DNAH9: variants seen among roughly 807,000 people sequenced by gnomAD.
DNAH9 encodes the protein dynein axonemal heavy chain 9.
In DNAH9, 345 loss-of-function variants were observed where a neutral mutation model predicts 471.6. The ratio of observed to expected loss-of-function variants is 0.73; its 90% CI spans 0.67 to 0.80. The LOEUF is 0.80. DNAH9 is among the 30% of genes least tolerant of loss of function. DNAH9 has a pLI of 0.00. For missense variants in DNAH9, 5,407 were observed against 5,609.2 expected, an observed-to-expected ratio of 0.96 and a Z score of 1.15; for synonymous variants, 2,093 against 2,123.6, an observed-to-expected ratio of 0.99 and a Z score of 0.40.
chr17:11,778,392 G>A (rs1003321148), intron 38 of DNAH9, among the ~76,000 whole-genome samples: 1 of 150,732 alleles, frequency 6.6e-6, no homozygotes, highest in African/African-American at 2.4e-5. Context: ...GAGAAACGGG[G>A]TGCCTGGAGC....
At chr17:11,859,649 T>C (rs950225376) in intron 50 of DNAH9, among the ~76,000 whole-genome samples, 1 of 152,164 alleles carries the variant, frequency 6.6e-6, no homozygotes, top group Non-Finnish European at 1.5e-5. Context: ...TTCTGGCTTC[T>C]GGCGAGGCCT....
chr17:11,961,795 GTC>G (rs1976207465), intron 67 of DNAH9, 70 bp from the exon 68 acceptor site: 1 of 1,514,720 alleles, frequency 6.6e-7, no homozygotes, highest in Non-Finnish European at 8.9e-7. Flanking sequence ...TGAGCCAGGG[GTC>G]TCTGAGGCCA....
At chr17:11,698,289 A>AT (rs1461813670) in intron 22 of DNAH9, among the ~76,000 whole-genome samples, 2 of 137,028 alleles carry the variant, frequency 1.5e-5, no homozygotes, top group African/African-American at 5.4e-5. Flanking sequence ...ATATATTAAT[A>AT]ATTATATATT....
intron 1 of DNAH9, among the ~76,000 whole-genome samples, chr17:11,606,608 C>G (rs539219942): frequency 3.4e-4 from 51 of 149,682 alleles, no homozygotes; most frequent in African/African-American, 1.2e-3. Context: ...TGCCACCACA[C>G]TCGGCTAATT....
chr17:11,734,058 C>G (rs2075309148), intron 28 of DNAH9, among the ~76,000 whole-genome samples: 1 of 152,064 alleles, frequency 6.6e-6, no homozygotes, highest in Non-Finnish European at 1.5e-5. Context: ...AGTTCACTGA[C>G]TTTCAGGTAG....
chr17:11,730,669 T>C (rs1032295961), intron 28 of DNAH9, among the ~76,000 whole-genome samples: 2 of 152,222 alleles, frequency 1.3e-5, no homozygotes, highest in African/African-American at 2.4e-5. Flanking sequence ...AAATGAGTTA[T>C]ATCTCTAAAG....
intron 68 of DNAH9, among the ~76,000 whole-genome samples, chr17:11,964,156 T>C (rs1273117271): frequency 2.0e-5 from 3 of 152,202 alleles, no homozygotes; most frequent in Non-Finnish European, 4.4e-5. Context: ...AGTAGGGTAA[T>C]GTTTAGAAAG....
chr17:11,818,425 A>ATTTT (rs112312158), intron 45 of DNAH9, among the ~76,000 whole-genome samples: 3,838 of 148,536 alleles, frequency 0.026, 173 homozygotes, highest in African/African-American at 0.095. Context: ...AAGACTCCGT[A>ATTTT]TTTAAAAAAA....
At chr17:11,627,168 CAT>C (rs59056271) in intron 6 of DNAH9, among the ~76,000 whole-genome samples, 3,344 of 152,236 alleles carry the variant, frequency 0.022, 85 homozygotes, top group South Asian at 0.093. Flanking sequence ...TGTTGTCCAC[CAT>C]GTGTGTGTTG....
rs757041348 is a variant in DNAH9, at chr17:11,797,812, TTCCTTTTCCTCA to T, written c.8420+20_8420+31del. 9 of 1,603,038 alleles carry T rather than the reference TTCCTTTTCCTCA, an allele frequency of 5.6e-6. No individual in the cohort carries two copies. The African/African-American group carries it at 1.1e-4, about 19-fold the overall frequency. On this transcript the variant is annotated intron_variant, in intron 43 of 68. Coordinates refer to ENST00000262442, the MANE Select transcript of DNAH9 (RefSeq NM_001372.4). ...GCCATGTGTAAGTGTGCTTCTCCTC[TTCCTTTTCCTCA>T]GTTGCTTCCTCTTCCCAATGACAGG...
chr17:11,933,097 C>A (rs939493741), intron 64 of DNAH9, among the ~76,000 whole-genome samples: 3 of 152,146 alleles, frequency 2.0e-5, no homozygotes, highest in African/African-American at 7.2e-5. Flanking sequence ...CCTCCAGTGA[C>A]CTCCCTCCCT....
At chr17:11,718,029 A>G (rs556150412) in intron 26 of DNAH9, among the ~76,000 whole-genome samples, 13 of 124,146 alleles carry the variant, frequency 1.0e-4, no homozygotes, top group Non-Finnish European at 1.6e-4. Flanking sequence ...GCACTACACC[A>G]CACCCATCTC....
chr17:11,752,822 G>C lies in DNAH9; in HGVS notation c.6611-11G>C. 6.5e-7 allele frequency: 1 copy of C among 1,550,180 alleles called. No homozygotes were observed. The highest frequency in any genetic ancestry group is 8.7e-7 in the Non-Finnish European group (1 of 1,150,022). ...AGAAATGGAAAATAAGGTGTCAGTGGTTCCTTTTAGGATTGTTCTCTTCCA... is the reference window on the plus strand; with the variant it reads ...AGAAATGGAAAATAAGGTGTCAGTGCTTCCTTTTAGGATTGTTCTCTTCCA... On this transcript the variant is annotated splice_polypyrimidine_tract_variant and intron_variant, in intron 32 of 68. Transcript: ENST00000262442.
At chr17:11,859,858 T>C (rs1971779941) in intron 50 of DNAH9, among the ~76,000 whole-genome samples, 1 of 152,106 alleles carries the variant, frequency 6.6e-6, no homozygotes, top group Non-Finnish European at 1.5e-5. Flanking sequence ...CATGATCCAA[T>C]CACCTCCCAC....
chr17:11,771,644 A>T (rs1273135886), intron 38 of DNAH9, among the ~76,000 whole-genome samples: 1 of 152,214 alleles, frequency 6.6e-6, no homozygotes, highest in Non-Finnish European at 1.5e-5. Context: ...AAATCTTAGC[A>T]GTTCGCTGTC....
Position 11,652,933 on chromosome 17 carries a change from G to T in DNAH9, c.2526G>T (p.Arg842=). Reference sequence around the variant, plus strand: ...AATCCCTTCTTTCTCTGGATGATCGGCATGATCGAATGGAAAAATATTACA... The same window carrying T: ...AATCCCTTCTTTCTCTGGATGATCGTCATGATCGAATGGAAAAATATTACA... ...KRESLLSLDD[R]HDRMEKYYNL... The change falls in exon 14 of 69, where the codon CGG becomes CGT. Residue 842 remains arginine (R), a synonymous_variant. Transcript: ENST00000262442. 1 of 1,613,838 alleles carries T rather than the reference G, an allele frequency of 6.2e-7. No individual in the cohort carries two copies. The highest frequency in any genetic ancestry group is 8.5e-7 in the Non-Finnish European group (1 of 1,179,764).
At chr17:11,604,270 C>T (rs1434881221) in intron 1 of DNAH9, among the ~76,000 whole-genome samples, 3 of 152,092 alleles carry the variant, frequency 2.0e-5, no homozygotes, top group Admixed American at 1.3e-4. Flanking sequence ...GATCTGCCCA[C>T]CTTGGCTTCA....
intron 49 of DNAH9, among the ~76,000 whole-genome samples, chr17:11,843,953 C>T (rs1019979514): frequency 1.4e-5 from 2 of 145,326 alleles, no homozygotes; most frequent in South Asian, 4.3e-4. Flanking sequence ...ATGAATCACA[C>T]CAGGACATAA....
chr17:11,731,195 TTA>T, intron 28 of DNAH9, among the ~76,000 whole-genome samples: 1 of 151,602 alleles, frequency 6.6e-6, no homozygotes, highest in East Asian at 1.9e-4. Flanking sequence ...ATGATGGTGG[TTA>T]TTATGGTGAG....
Sources: allele counts gnomAD v4.1 joint callset (sites outside exome capture counted in the v4.1 genomes callset), GRCh38; gene constraint gnomAD v4.1.1; transcripts MANE v1.5; gene names NCBI Gene and HGNC (gene_info 2026-07-23, HGNC 2026-07-21).